Variants in ADAMTSL1 observed in about 807,000 individuals in gnomAD.
ADAMTSL1 encodes ADAMTS like 1, also known as ADAMTS-like protein 1.
Under a neutral mutation model 201.8 loss-of-function variants are expected in ADAMTSL1, and 126 were observed. The ratio of observed to expected loss-of-function variants is 0.62; its 90% CI spans 0.54 to 0.72. ADAMTSL1 has a LOEUF of 0.72. Among genes scored for constraint, ADAMTSL1 ranks in the 30% least tolerant of loss-of-function variants. The pLI, the probability that ADAMTSL1 is intolerant of heterozygous loss-of-function variation, is 0.00. For missense variants in ADAMTSL1, 2,679 were observed against 2,277.8 expected (o/e 1.18, Z -3.59); for synonymous variants, 1,121 against 903.4 (o/e 1.24, Z -4.32).
intron 1 of ADAMTSL1, among the ~76,000 whole-genome samples, chr9:17,926,828 T>C (rs917019587): frequency 6.6e-6 from 1 of 152,216 alleles, no homozygotes; most frequent in African/African-American, 2.4e-5. Context: ...ACAGAGATTC[T>C]CCGACATTAC....
chr9:18,323,399 C>T (rs1458649017), intron 2 of ADAMTSL1, among the ~76,000 whole-genome samples: 1 of 152,084 alleles, frequency 6.6e-6, no homozygotes, highest in Non-Finnish European at 1.5e-5. Flanking sequence ...ATCGGATAGA[C>T]AGCATATAAG....
chr9:18,253,441 C>G (rs1831545816), intron 2 of ADAMTSL1, among the ~76,000 whole-genome samples: 1 of 152,078 alleles, frequency 6.6e-6, no homozygotes, highest in Admixed American at 6.5e-5. Flanking sequence ...CTAATTTTAT[C>G]AAAGATAGTG....
intron 4 of ADAMTSL1, among the ~76,000 whole-genome samples, chr9:18,588,517 CA>C (rs1376318626): frequency 6.6e-6 from 1 of 151,944 alleles, no homozygotes; most frequent in African/African-American, 2.4e-5. Flanking sequence ...AGATCTTATC[CA>C]AAAAATCTTT....
At chr9:18,407,029 A>G (rs1436435130) in intron 2 of ADAMTSL1, among the ~76,000 whole-genome samples, 1 of 152,248 alleles carries the variant, frequency 6.6e-6, no homozygotes, top group Non-Finnish European at 1.5e-5. Flanking sequence ...TAGGCAACAA[A>G]CACTGTCCTA....
chr9:18,729,608 A>G (rs991477646), intron 15 of ADAMTSL1, among the ~76,000 whole-genome samples: 3 of 152,262 alleles, frequency 2.0e-5, no homozygotes, highest in African/African-American at 7.2e-5. Context: ...TAAGATAACT[A>G]GAATTTCTCT....
chr9:18,358,069 C>T (rs921015424), intron 2 of ADAMTSL1, among the ~76,000 whole-genome samples: 1 of 152,192 alleles, frequency 6.6e-6, no homozygotes, highest in Non-Finnish European at 1.5e-5. Flanking sequence ...CAAATCCTGG[C>T]TGTTCCGGTG....
chr9:18,512,554 G>C (rs557709040), intron 2 of ADAMTSL1, among the ~76,000 whole-genome samples: 2 of 152,074 alleles, frequency 1.3e-5, no homozygotes, highest in African/African-American at 4.8e-5. Context: ...TATGTATTAA[G>C]CAAATTGGTA....
chr9:18,871,515 C>A lies in ADAMTSL1; in HGVS notation c.4250-16316C>A, dbSNP rs932056891. Among the ~76,000 whole-genome samples, 4 of 152,188 alleles carry A rather than the reference C, an allele frequency of 2.6e-5. No individual in the cohort carries two copies. The South Asian group carries it at 8.3e-4, about 32-fold the overall frequency. The stretch of plus-strand genomic sequence containing the variant: ...TCCACACATACCTATAAGACAAGTT[C>A]CCAAAATCTGTGTCTCCAGCTCTTA... On this transcript the variant is annotated intron_variant, in intron 23 of 28. Coordinates refer to ENST00000380548, the MANE Select transcript of ADAMTSL1 (RefSeq NM_001040272.6).
chr9:17,916,964 G>C (rs779987357), intron 1 of ADAMTSL1, among the ~76,000 whole-genome samples: 1 of 152,064 alleles, frequency 6.6e-6, no homozygotes, highest in Non-Finnish European at 1.5e-5. Context: ...CAATATTTTA[G>C]TGTACAAGTG....
chr9:18,313,578 C>A (rs949946787), intron 2 of ADAMTSL1, among the ~76,000 whole-genome samples: 2 of 152,114 alleles, frequency 1.3e-5, no homozygotes, highest in African/African-American at 4.8e-5. Flanking sequence ...GATAGTCTTT[C>A]CAACAGACAG....
chr9:18,587,093 A>G (rs1823551430), intron 4 of ADAMTSL1, among the ~76,000 whole-genome samples: 1 of 152,150 alleles, frequency 6.6e-6, no homozygotes, highest in South Asian at 2.1e-4. Flanking sequence ...GCAAACATTG[A>G]CAAATGAAAT....
chr9:18,767,632 A>G (rs1212898901), intron 16 of ADAMTSL1, among the ~76,000 whole-genome samples: 1 of 152,254 alleles, frequency 6.6e-6, no homozygotes, highest in Admixed American at 6.5e-5. Flanking sequence ...AATTTCTCCT[A>G]AGTACCAACT....
chr9:18,697,788 C>G (rs988812106), intron 13 of ADAMTSL1, among the ~76,000 whole-genome samples: 1 of 152,086 alleles, frequency 6.6e-6, no homozygotes, highest in African/African-American at 2.4e-5. Flanking sequence ...CCATTAAAAT[C>G]CTTTGCTGTG....
At chr9:18,412,136 C>A (rs1002226762) in intron 2 of ADAMTSL1, among the ~76,000 whole-genome samples, 1 of 152,174 alleles carries the variant, frequency 6.6e-6, no homozygotes, top group Non-Finnish European at 1.5e-5. Flanking sequence ...TTAACTTATC[C>A]TTCTAGTCCC....
chr9:18,782,765 C>G (rs554851268), intron 19 of ADAMTSL1, among the ~76,000 whole-genome samples: 2 of 152,154 alleles, frequency 1.3e-5, no homozygotes, highest in Non-Finnish European at 1.5e-5. Context: ...TGAATGATGA[C>G]CAGTGCCCAG....
chr9:18,655,593 A>C (rs1828583428), intron 7 of ADAMTSL1, among the ~76,000 whole-genome samples: 1 of 152,052 alleles, frequency 6.6e-6, no homozygotes, highest in South Asian at 2.1e-4. Context: ...CCCAGGACTC[A>C]GGTTAACATT....
intron 15 of ADAMTSL1, among the ~76,000 whole-genome samples, chr9:18,733,853 G>A (rs539164467): frequency 6.6e-6 from 1 of 151,558 alleles, no homozygotes; most frequent in African/African-American, 2.4e-5. Flanking sequence ...CTTGTACGGG[G>A]TACAGTCTTC....
chr9:18,613,442 G>T (rs556331337), intron 4 of ADAMTSL1, among the ~76,000 whole-genome samples: 19 of 152,236 alleles, frequency 1.2e-4, no homozygotes, highest in Non-Finnish European at 1.5e-5. Context: ...GTTCACAATA[G>T]CAAAGACATG....
rs756367659 is a variant in ADAMTSL1 at position 18,889,687 on chromosome 9, G to T, written c.4582G>T (p.Ala1528Ser). 10 of 1,595,808 alleles carry T rather than the reference G, an allele frequency of 6.3e-6. No homozygotes were observed. The highest frequency in any genetic ancestry group is 8.5e-6 in the Non-Finnish European group (10 of 1,170,644). ...CACGGAGGTCAACCCTGCCCACTGC[G>T]CAGGGAAGGTTCGCCCTGCGGTGCA... ...NSTEVNPAHC[A>S]GKVRPAVQPI... The change falls in exon 25 of 29, where the codon GCA (alanine) becomes TCA (serine). Residue 1528 changes from alanine (A) to serine (S), a missense_variant. Ala to Ser is a moderately conservative substitution (Grantham distance 99, BLOSUM62 1). Transcript: ENST00000380548.
Sources: allele counts gnomAD v4.1 joint callset (sites outside exome capture counted in the v4.1 genomes callset), GRCh38; gene constraint gnomAD v4.1.1; transcripts MANE v1.5; gene names NCBI Gene and HGNC (gene_info 2026-07-23, HGNC 2026-07-21).